Variants in TSC22D1 observed in about 807,000 individuals in gnomAD.
TSC22D1 encodes the protein TSC22 domain family protein 1.
TSC22D1 carries 9 observed loss-of-function variants against 74.2 expected under a neutral mutation model. The observed-to-expected ratio is 0.12, with a 90% CI of 0.07 to 0.21. The LOEUF (loss-of-function observed/expected upper bound fraction) is 0.21, where lower values mean the gene tolerates loss of function less well. Among genes scored for constraint, TSC22D1 ranks in the 10% least tolerant of loss-of-function variants. The probability of loss-of-function intolerance (pLI) is 1.00; values close to 1 mark genes in which losing one functional copy is unlikely to be tolerated. For synonymous variants in TSC22D1, 586 were observed against 492.5 expected (o/e 1.19, Z -2.51); for missense variants, 1,427 against 1,304.7 (o/e 1.09, Z -1.44).
intron 1 of TSC22D1, among the ~76,000 whole-genome samples, chr13:44,558,173 G>A (rs1482463783): frequency 1.3e-5 from 2 of 152,082 alleles, no homozygotes; most frequent in African/African-American, 4.8e-5. Flanking sequence ...CTTCTCAATG[G>A]ACAAAAGAAA....
intron 1 of TSC22D1, among the ~76,000 whole-genome samples, chr13:44,441,813 T>G (rs1391665288): frequency 3.9e-5 from 6 of 152,150 alleles, no homozygotes; most frequent in African/African-American, 1.4e-4. Flanking sequence ...AAAGAAAGGT[T>G]TATAGGGATC....
At chr13:44,522,141 G>A (rs2138043317) in intron 1 of TSC22D1, among the ~76,000 whole-genome samples, 1 of 152,256 alleles carries the variant, frequency 6.6e-6, no homozygotes, top group East Asian at 1.9e-4. Flanking sequence ...TCCCTGAAGA[G>A]GAAACATTTA....
chr13:44,449,220 A>C (rs911665436), intron 1 of TSC22D1, among the ~76,000 whole-genome samples: 3 of 152,328 alleles, frequency 2.0e-5, no homozygotes, highest in East Asian at 3.9e-4. Context: ...AGTGCCAGTG[A>C]GGTCTACAGT....
intron 1 of TSC22D1, among the ~76,000 whole-genome samples, chr13:44,455,762 A>C (rs1876549188): frequency 6.6e-6 from 1 of 152,228 alleles, no homozygotes; most frequent in African/African-American, 2.4e-5. Context: ...ACTTCTGACT[A>C]AGCATGGTGC....
At chr13:44,500,738 G>A (rs564977783) in intron 1 of TSC22D1, among the ~76,000 whole-genome samples, 2 of 152,196 alleles carry the variant, frequency 1.3e-5, no homozygotes, top group Non-Finnish European at 2.9e-5. Context: ...AGGCTGGAGT[G>A]CAGTGGCGCA....
intron 1 of TSC22D1, among the ~76,000 whole-genome samples, chr13:44,526,379 C>G (rs916485579): frequency 1.3e-5 from 2 of 150,410 alleles, no homozygotes; most frequent in African/African-American, 4.9e-5. Context: ...AAAACAGCAA[C>G]AGAAAAAAAG....
Position 44,456,273 on chromosome 13 carries a change from G to C in TSC22D1, c.2913-20178C>G, listed in dbSNP as rs538126204. Among the ~76,000 whole-genome samples the C allele has an allele frequency of 2.0e-5, 3 of 152,326 alleles. No homozygotes were observed. In the South Asian group the frequency reaches 6.2e-4, roughly 32 times the overall value. On this transcript the variant is annotated intron_variant, in intron 1 of 2. Transcript: ENST00000458659. ...CCGAGCGGGTTGCTGCTGCTGGCTG[G>C]AGTAGCCAGCTTTTATTCCCTTATT...
chr13:44,460,793 A>G (rs1353212160), intron 1 of TSC22D1, among the ~76,000 whole-genome samples: 1 of 152,198 alleles, frequency 6.6e-6, no homozygotes, highest in Non-Finnish European at 1.5e-5. Flanking sequence ...CCTTTCCACA[A>G]ATACTTAATT....
intron 1 of TSC22D1, among the ~76,000 whole-genome samples, chr13:44,568,891 A>G (rs1475150011): frequency 1.3e-5 from 2 of 152,208 alleles, no homozygotes; most frequent in Non-Finnish European, 2.9e-5. Flanking sequence ...AGCAGCCACA[A>G]AACACTGTAC....
intron 1 of TSC22D1, among the ~76,000 whole-genome samples, chr13:44,488,535 T>C (rs1227124421): frequency 6.6e-6 from 1 of 152,106 alleles, no homozygotes; most frequent in Non-Finnish European, 1.5e-5. Context: ...TCCTAATCAG[T>C]TAGTAAAACA....
intron 1 of TSC22D1, among the ~76,000 whole-genome samples, chr13:44,557,683 T>G (rs1428263551): frequency 6.6e-6 from 1 of 152,120 alleles, no homozygotes. Flanking sequence ...ATTCATAAAA[T>G]GTGCTATTAT....
At chr13:44,539,138 AC>A (rs1881318615) in intron 1 of TSC22D1, 1 of 985,186 alleles carries the variant, frequency 1.0e-6, no homozygotes. Context: ...ATTCCTAGGG[AC>A]TAGAAAATGA....
At chr13:44,465,697 G>T (rs1433151517) in intron 1 of TSC22D1, among the ~76,000 whole-genome samples, 1 of 152,196 alleles carries the variant, frequency 6.6e-6, no homozygotes, top group Admixed American at 6.5e-5. Context: ...TTTGGGCCAG[G>T]CACAGTGGCT....
intron 1 of TSC22D1, among the ~76,000 whole-genome samples, chr13:44,468,625 G>T (rs539475126): frequency 6.7e-6 from 1 of 149,782 alleles, no homozygotes; most frequent in East Asian, 1.9e-4. Context: ...TTTTGAGGTA[G>T]CTGGTATTTA....
chr13:44,485,238 T>C (rs1878374478), intron 1 of TSC22D1, among the ~76,000 whole-genome samples: 1 of 152,096 alleles, frequency 6.6e-6, no homozygotes, highest in South Asian at 2.1e-4. Flanking sequence ...AAGTACAAGT[T>C]TTCTGAAAAA....
intron 1 of TSC22D1, among the ~76,000 whole-genome samples, chr13:44,476,408 G>T (rs995755201): frequency 2.0e-5 from 3 of 151,836 alleles, no homozygotes; most frequent in South Asian, 2.1e-4. Context: ...ATAATGAAGT[G>T]ATTTTTTTCT....
At chr13:44,546,775 TAG>T (rs1163108536) in intron 1 of TSC22D1, among the ~76,000 whole-genome samples, 6 of 150,404 alleles carry the variant, frequency 4.0e-5, no homozygotes, top group Admixed American at 1.3e-4. Context: ...TGTGTGTGTG[TAG>T]GTATGTATGT....
At chr13:44,494,375 C>A (rs1475686792) in intron 1 of TSC22D1, among the ~76,000 whole-genome samples, 13 of 26,474 alleles carry the variant, frequency 4.9e-4, no homozygotes, top group East Asian at 1.5e-3. Context: ...GACTCCGTAT[C>A]AAAAAAAAAA....
intron 1 of TSC22D1, 180 bp from the exon 2 acceptor site, chr13:44,436,275 C>T (rs1474597296): frequency 1.1e-6 from 1 of 871,260 alleles, no homozygotes; most frequent in Non-Finnish European, 1.8e-6. Context: ...AATATCCAGG[C>T]ATCTCCCTAT....
Sources: allele counts gnomAD v4.1 joint callset (sites outside exome capture counted in the v4.1 genomes callset), GRCh38; gene constraint gnomAD v4.1.1; transcripts MANE v1.5; gene names NCBI Gene and HGNC (gene_info 2026-07-23, HGNC 2026-07-21).